Variants in TMEM268 observed in about 807,000 individuals in gnomAD.
TMEM268 encodes the protein transmembrane protein C9orf91.
TMEM268 carries 24 observed loss-of-function variants against 39.1 expected under a neutral mutation model. The ratio of observed to expected loss-of-function variants is 0.61; its 90% CI spans 0.44 to 0.86. The LOEUF is 0.86. Ranked by LOEUF, TMEM268 falls within the 40% of genes least tolerant of loss-of-function variation. TMEM268 has a pLI of 0.00. For synonymous variants in TMEM268, 176 were observed against 173.5 expected, an observed-to-expected ratio of 1.01 and a Z score of -0.12; for missense variants, 409 against 428.6, an observed-to-expected ratio of 0.95 and a Z score of 0.40.
rs1589340083 is a variant in TMEM268, at chr9:114,624,608, C to G, written c.216+149C>G. The G allele has an allele frequency of 1.6e-5, 21 of 1,299,658 alleles. No individual in the cohort carries two copies. In the East Asian group the frequency reaches 2.8e-4, roughly 18 times the overall value. 80.5% of individuals were successfully genotyped at this position (1,299,658 alleles called of 1,614,324 possible). A position where few individuals can be genotyped will look rare whatever the true frequency, so the allele number is the denominator to read the frequency against. ...AAGGAAGGTATATTAGAAGTGCCCT[C>G]TCTTTCCTCTCTTCCCGGTTAACTC... is the stretch of plus-strand genomic sequence containing the variant. On this transcript the variant is annotated intron_variant, in intron 3 of 8. Transcript: ENST00000288502.
At chr9:114,607,634 G>A (rs997901118), upstream of TMEM268, among the ~76,000 whole-genome samples, 1 of 152,192 alleles carries the variant, frequency 6.6e-6, no homozygotes, top group Admixed American at 6.5e-5. Flanking sequence ...CAGCCTGGGT[G>A]ACAGAGTGAG....
intron 7 of TMEM268, among the ~76,000 whole-genome samples, chr9:114,637,288 C>CTT (rs33946644): frequency 3.1e-5 from 4 of 127,334 alleles, no homozygotes; most frequent in Non-Finnish European, 4.9e-5. Flanking sequence ...TATATTTCTT[C>CTT]TTTTTTTTTT....
the TMEM268 span, among the ~76,000 whole-genome samples, chr9:114,604,454 C>T: frequency 1.3e-5 from 2 of 151,856 alleles, no homozygotes; most frequent in East Asian, 1.9e-4. Flanking sequence ...GTGGTGTGCA[C>T]CTGTAGTCCC....
intron 8 of TMEM268, among the ~76,000 whole-genome samples, chr9:114,641,329 G>A (rs1039889427): frequency 6.6e-6 from 1 of 152,138 alleles, no homozygotes; most frequent in African/African-American, 2.4e-5. Flanking sequence ...TGGCCTTTTT[G>A]ACTTTAAAGC....
chr9:114,617,474 C>T (rs1845774020), intron 2 of TMEM268, among the ~76,000 whole-genome samples, 173 bp downstream of exon 2: 1 of 152,264 alleles, frequency 6.6e-6, no homozygotes, highest in Non-Finnish European at 1.5e-5. Flanking sequence ...TCACTCTCTG[C>T]TGAGCCCCTG....
Position 114,615,242 on chromosome 9 carries a change from C to T in TMEM268, c.-78-1876C>T, listed in dbSNP as rs937253607. On this transcript the variant is annotated intron_variant, in intron 1 of 8. Transcript: ENST00000288502. Reference sequence around the variant, plus strand: ...GAACGTGACTGAGTGGTTCCTGCTACGCCTCTCAATGACCTGGCTGTAGGG... The same window carrying T: ...GAACGTGACTGAGTGGTTCCTGCTATGCCTCTCAATGACCTGGCTGTAGGG... Among the ~76,000 whole-genome samples, 5 of 152,106 alleles carry T rather than the reference C, an allele frequency of 3.3e-5. No individual in the cohort carries two copies. The South Asian group carries it at 8.3e-4, about 25-fold the overall frequency.
chr9:114,643,118 TC>T lies in TMEM268; in HGVS notation c.850-13del. The T allele has an allele frequency of 6.2e-7, 1 of 1,613,934 alleles. No homozygotes were observed. The highest frequency in any genetic ancestry group is 8.5e-7 in the Non-Finnish European group (1 of 1,179,932). ...GCTCCCCTGTGGTATTCAATCTGCT[TC>T]CCTGCCTCTTCTAGGAAATGGCCCG... On this transcript the variant is annotated splice_polypyrimidine_tract_variant and intron_variant, in intron 8 of 8. Transcript: ENST00000288502.
chr9:114,624,529 A>G (rs1846080781), intron 3 of TMEM268, 70 bp downstream of exon 3: 2 of 1,526,500 alleles, frequency 1.3e-6, no homozygotes, highest in South Asian at 1.2e-5. Flanking sequence ...CTTTTCATCC[A>G]GTTTTTCACA....
chr9:114,639,329 G>T (rs570262396), intron 8 of TMEM268, among the ~76,000 whole-genome samples: 1 of 152,122 alleles, frequency 6.6e-6, no homozygotes, highest in African/African-American at 2.4e-5. Flanking sequence ...TAGAGGCAGG[G>T]TTTTGCCATG....
At chr9:114,612,458 T>C (rs1845539965) in intron 1 of TMEM268, among the ~76,000 whole-genome samples, 1 of 152,118 alleles carries the variant, frequency 6.6e-6, no homozygotes, top group Non-Finnish European at 1.5e-5. Context: ...TCTGACCTTC[T>C]GTGTTATCCT....
upstream of TMEM268, among the ~76,000 whole-genome samples, chr9:114,610,221 T>C (rs1422500455): frequency 6.6e-6 from 1 of 152,154 alleles, no homozygotes; most frequent in African/African-American, 2.4e-5. Flanking sequence ...GTATTTTTAG[T>C]AGAGACGGGG....
intron 2 of TMEM268, among the ~76,000 whole-genome samples, chr9:114,619,309 ACACACAC>A: frequency 6.6e-6 from 1 of 152,070 alleles, no homozygotes; most frequent in Non-Finnish European, 1.5e-5. Flanking sequence ...ACACACACAC[ACACACAC>A]ACACAGACAC....
intron 1 of TMEM268, among the ~76,000 whole-genome samples, chr9:114,614,111 G>C (rs1038282635): frequency 6.6e-6 from 1 of 152,162 alleles, no homozygotes; most frequent in Admixed American, 6.5e-5. Flanking sequence ...AGCAAGGTTC[G>C]GGTTGTTAAG....
In TMEM268 at chr9:114,639,578, G is replaced by A. The variant is rs144036819; in HGVS notation, c.849+852G>A. The stretch of plus-strand genomic sequence containing the variant: ...ACCCACTGTCAGGGAGACAAGCAGT[G>A]ATGGTGACCTCAGGTGACATTTGAA... On this transcript the variant is annotated intron_variant, in intron 8 of 8. Coordinates refer to ENST00000288502, the MANE Select transcript of TMEM268 (RefSeq NM_153045.4). Among the ~76,000 whole-genome samples the A allele has an allele frequency of 5.4e-3, 817 of 152,080 alleles. 9 individuals carry two copies. The highest frequency in any genetic ancestry group is 0.019 in the African/African-American group (784 of 41,534).
In TMEM268 at chr9:114,635,348, TCA is replaced by T. The variant is rs1491140159; in HGVS notation, c.585+1471_585+1472del. ...CTGGGCAACAGAGCGAGACTCCATC[TCA>T]AAAAAAAAAAATAAAAACAAAACAA... On this transcript the variant is annotated intron_variant, in intron 6 of 8. Transcript: ENST00000288502. Among the ~76,000 whole-genome samples the T allele has an allele frequency of 6.2e-5, 8 of 128,890 alleles. No homozygotes were observed. The East Asian group carries it at 1.9e-3, about 30-fold the overall frequency. The allele number at this position is 128,890 out of a possible 152,430, so 84.6% of individuals were successfully genotyped here. A position where few individuals can be genotyped will look rare whatever the true frequency, so the allele number is the denominator to read the frequency against.
intron 1 of TMEM268, among the ~76,000 whole-genome samples, chr9:114,612,088 A>G (rs1211374831): frequency 6.6e-6 from 1 of 152,182 alleles, no homozygotes; most frequent in Non-Finnish European, 1.5e-5. Context: ...TTCCGCCCCG[A>G]AACTTCTGTA....
rs1325202257 is a variant in TMEM268, at chr9:114,646,070, A to G, written c.*2757A>G. On this transcript the variant is annotated 3_prime_UTR_variant, in exon 9 of 9. Transcript: ENST00000288502. ...AGTGATCCTCCTGCCTTGGCCTCCC[A>G]TGCTGCTGGGATTACAGGTGTGAAC... 2.0e-5 allele frequency: 3 copies of G among 152,088 alleles called. No homozygotes were observed. The highest frequency in any genetic ancestry group is 4.4e-5 in the Non-Finnish European group (3 of 68,064). The allele number at this position is 152,088 out of a possible 1,614,324, so 9.4% of individuals were successfully genotyped here. A position where few individuals can be genotyped will look rare whatever the true frequency, so the allele number is the denominator to read the frequency against.
chr9:114,617,241 C>T lies in TMEM268; in HGVS notation c.46C>T (p.Pro16Ser), dbSNP rs773928523. 4 of 1,612,092 alleles carry T rather than the reference C, an allele frequency of 2.5e-6. No homozygotes were observed. The highest frequency in any genetic ancestry group is 2.5e-6 in the Non-Finnish European group (3 of 1,179,100). Residue 16 changes from proline to serine, a missense_variant, in exon 2 of 9, where the codon CCC (proline) becomes TCC (serine). Coordinates refer to ENST00000288502, the MANE Select transcript of TMEM268 (RefSeq NM_153045.4). ...GGACCCGGGGGCCACTGGCCCATTG[C>T]CCCCCTCCTCCCCTGGCTGGAGTGC... is the stretch of plus-strand genomic sequence containing the variant. Reference protein sequence around the residue: ...QVDPGATGPLPPSSPGWSALP... With the variant: ...QVDPGATGPLSPSSPGWSALP...
At position 114,628,268 on chromosome 9, in the gene TMEM268, C is replaced by T. The variant is rs749786039; in HGVS notation, c.474+18C>T. The T allele has an allele frequency of 6.2e-7, 1 of 1,609,636 alleles. No individual in the cohort carries two copies. Among genetic ancestry groups the T allele is most frequent in the African/African-American group, 1.4e-5 (1 of 72,136 alleles). ...AGAAGAAGGTGAGATGTCTGGAGAT[C>T]CCTGCCACACTCTCTCCAGAAGAGC... On this transcript the variant is annotated intron_variant, in intron 5 of 8. Coordinates refer to ENST00000288502, the MANE Select transcript of TMEM268 (RefSeq NM_153045.4).
Sources: allele counts gnomAD v4.1 joint callset (sites outside exome capture counted in the v4.1 genomes callset), GRCh38; gene constraint gnomAD v4.1.1; transcripts MANE v1.5; gene names NCBI Gene and HGNC (gene_info 2026-07-23, HGNC 2026-07-21).